TSNARE1: variants seen among roughly 807,000 people sequenced by gnomAD.
The protein encoded by TSNARE1 is t-SNARE domain containing 1.
Under a neutral mutation model 62.0 loss-of-function variants are expected in TSNARE1, and 49 were observed. The ratio of observed to expected loss-of-function variants is 0.79; its 90% CI spans 0.63 to 1.00. The LOEUF is 1.00. Among genes scored for constraint, TSNARE1 ranks in the 50% least tolerant of loss-of-function variants. TSNARE1 has a pLI of 0.00. For missense variants in TSNARE1, 755 were observed against 700.1 expected (o/e 1.08, Z -0.88); for synonymous variants, 328 against 294.4 (o/e 1.11, Z -1.17).
intron 12 of TSNARE1, among the ~76,000 whole-genome samples, chr8:142,259,862 C>T (rs1025904451): frequency 6.6e-6 from 1 of 152,172 alleles, no homozygotes; most frequent in African/African-American, 2.4e-5. Context: ...CCCCCGGGGG[C>T]ACCTAGGGGA....
chr8:142,268,627 G>A (rs922353456), intron 12 of TSNARE1, among the ~76,000 whole-genome samples: 6 of 126,474 alleles, frequency 4.7e-5, no homozygotes, highest in Non-Finnish European at 8.5e-5. Context: ...GGCTGAAGCC[G>A]TGTTTTCCAG....
chr8:142,373,541 C>A (rs1048657122), intron 1 of TSNARE1, among the ~76,000 whole-genome samples: 1 of 152,100 alleles, frequency 6.6e-6, no homozygotes, highest in African/African-American at 2.4e-5. Context: ...GCCCGGCAGG[C>A]CCACGAGCTC....
intron 12 of TSNARE1, chr8:142,271,710 A>G (rs1819580252): frequency 7.4e-7 from 1 of 1,353,588 alleles, no homozygotes; most frequent in Non-Finnish European, 9.5e-7. Flanking sequence ...GGGAGACAGG[A>G]AAATGTCAGC....
chr8:142,250,548 C>T (rs1335759066), intron 12 of TSNARE1, among the ~76,000 whole-genome samples: 18 of 152,196 alleles, frequency 1.2e-4, no homozygotes, highest in Admixed American at 1.1e-3. Flanking sequence ...CAGGCCCGAT[C>T]GCAGTAGCCT....
chr8:142,371,738 T>C (rs557178573), intron 1 of TSNARE1, among the ~76,000 whole-genome samples: 19 of 152,138 alleles, frequency 1.2e-4, no homozygotes, highest in Non-Finnish European at 2.1e-4. Flanking sequence ...TATGTGTCTC[T>C]TACCATACGT....
At chr8:142,304,674 C>T (rs1229580715) in intron 9 of TSNARE1, among the ~76,000 whole-genome samples, 7 of 152,228 alleles carry the variant, frequency 4.6e-5, no homozygotes, top group Non-Finnish European at 7.3e-5. Context: ...GACCTCAGCA[C>T]GTCCTAGTGT....
At chr8:142,332,019 C>G (rs1373112053) in intron 4 of TSNARE1, among the ~76,000 whole-genome samples, 188 bp from the exon 5 acceptor site, 1 of 152,214 alleles carries the variant, frequency 6.6e-6, no homozygotes, top group Non-Finnish European at 1.5e-5. Flanking sequence ...CACCTGCCTT[C>G]ACAGTACCTT....
chr8:142,272,205 C>T (rs577791527), intron 12 of TSNARE1, among the ~76,000 whole-genome samples: 2 of 152,158 alleles, frequency 1.3e-5, no homozygotes, highest in African/African-American at 4.8e-5. Flanking sequence ...TCCATCCACC[C>T]AGCCACTCAC....
At chr8:142,330,696 G>C (rs948905961) in intron 6 of TSNARE1, among the ~76,000 whole-genome samples, 1 of 152,246 alleles carries the variant, frequency 6.6e-6, no homozygotes, top group Non-Finnish European at 1.5e-5. Flanking sequence ...GGCACCTGCA[G>C]GCTGAGGGCC....
chr8:142,271,138 C>T (rs745643293), intron 12 of TSNARE1: 16 of 987,038 alleles, frequency 1.6e-5, no homozygotes, highest in African/African-American at 1.2e-4. Context: ...CCTCGAGCCC[C>T]GAGTGGGTGC....
rs147682095 is a variant in TSNARE1, at chr8:142,308,457, G to C, written c.1131+5927C>G. Among the ~76,000 whole-genome samples, 108 of 152,232 alleles carry C rather than the reference G, an allele frequency of 7.1e-4. 1 individual carries two copies. The East Asian group carries it at 0.019, about 27-fold the overall frequency. ...GAGTGATCCGTATCAAGCTCTGAAT[G>C]AATCACCCACCTCCCGTGGCAGGGC... On this transcript the variant is annotated intron_variant, in intron 9 of 13. Transcript: ENST00000524325.
intron 4 of TSNARE1, among the ~76,000 whole-genome samples, chr8:142,332,364 C>G (rs920262948): frequency 2.0e-5 from 3 of 152,162 alleles, no homozygotes; most frequent in Non-Finnish European, 4.4e-5. Flanking sequence ...CATGTCAGAA[C>G]AGACCAATCC....
chr8:142,217,741 G>T (rs1815953397), intron 13 of TSNARE1, among the ~76,000 whole-genome samples: 2 of 152,114 alleles, frequency 1.3e-5, no homozygotes. Flanking sequence ...CTAGAATTAG[G>T]GTCAGTGTGT....
chr8:142,326,149 G>C (rs1423789021), intron 6 of TSNARE1: 4 of 176,894 alleles, frequency 2.3e-5, no homozygotes, highest in African/African-American at 1.0e-4. Flanking sequence ...TGAGGAACCA[G>C]CACCAGCTAA....
intron 12 of TSNARE1, among the ~76,000 whole-genome samples, chr8:142,251,737 CGATCTCTGTCTGCAGGGCCCGGGCA>C: frequency 6.7e-6 from 1 of 148,982 alleles, no homozygotes; most frequent in Admixed American, 6.7e-5. Context: ...CCGCCACCCG[CGATCTCTGTCTGCAGGGCCCGGGCA>C]CCATGTACCC....
chr8:142,230,070 C>T (rs1817029478), intron 12 of TSNARE1, among the ~76,000 whole-genome samples: 1 of 152,164 alleles, frequency 6.6e-6, no homozygotes, highest in South Asian at 2.1e-4. Context: ...ATTCTTGTGG[C>T]TATTACTAAT....
At chr8:142,268,143 C>T (rs139529592) in intron 12 of TSNARE1, among the ~76,000 whole-genome samples, 101 of 152,330 alleles carry the variant, frequency 6.6e-4, no homozygotes, top group Middle Eastern at 6.8e-3. Flanking sequence ...GCCCTCCCTG[C>T]GTGCCACCTG....
At chr8:142,349,140 G>A (rs779256273) in intron 2 of TSNARE1, among the ~76,000 whole-genome samples, 70 of 152,216 alleles carry the variant, frequency 4.6e-4, no homozygotes, top group Non-Finnish European at 9.3e-4. Flanking sequence ...CCAGCGCGAC[G>A]ATTTTCAACA....
intron 1 of TSNARE1, among the ~76,000 whole-genome samples, chr8:142,361,268 G>T (rs1386754913): frequency 6.6e-6 from 1 of 152,254 alleles, no homozygotes; most frequent in Non-Finnish European, 1.5e-5. Context: ...GGACAGACGG[G>T]AAAGCGGCAT....
Sources: allele counts gnomAD v4.1 joint callset (sites outside exome capture counted in the v4.1 genomes callset), GRCh38; gene constraint gnomAD v4.1.1; transcripts MANE v1.5; gene names NCBI Gene and HGNC (gene_info 2026-07-23, HGNC 2026-07-21).